Variants in ADHFE1 observed in about 807,000 individuals in gnomAD.
ADHFE1 encodes the protein hydroxyacid-oxoacid transhydrogenase, mitochondrial.
ADHFE1 carries 37 observed loss-of-function variants against 54.8 expected under a neutral mutation model. The ratio of observed to expected loss-of-function variants is 0.68; its 90% CI spans 0.52 to 0.89. The LOEUF is 0.89. Ranked by LOEUF, ADHFE1 falls within the 40% of genes least tolerant of loss-of-function variation. The probability of loss-of-function intolerance (pLI) is 0.00; values close to 1 mark genes in which losing one functional copy is unlikely to be tolerated. For synonymous variants in ADHFE1, 203 were observed against 229.3 expected (o/e 0.89, Z 1.04); for missense variants, 601 against 591.2 (o/e 1.02, Z -0.17).
chr8:66,452,226 G>T, intron 9 of ADHFE1, 121 bp downstream of exon 9: 1 of 1,346,662 alleles, frequency 7.4e-7, no homozygotes, highest in South Asian at 1.5e-5. Context: ...AGCAGTCAGT[G>T]GATGCGCAGA....
rs1447230142 is a variant in ADHFE1, at chr8:66,444,449, T to C, written c.198+29T>C. ...AGTATTCGAGATGTCTACGGTCTCC[T>C]ACTGTAAATGTTACATATCTCACAA... is the stretch of plus-strand genomic sequence containing the variant. On this transcript the variant is annotated intron_variant, in intron 4 of 13. Transcript: ENST00000396623. The C allele has an allele frequency of 3.7e-6, 6 of 1,612,384 alleles. No individual in the cohort carries two copies. The East Asian group carries it at 1.3e-4, about 36-fold the overall frequency.
intron 13 of ADHFE1, among the ~76,000 whole-genome samples, chr8:66,462,069 C>G (rs1806929400): frequency 1.3e-5 from 2 of 152,216 alleles, no homozygotes; most frequent in African/African-American, 4.8e-5. Context: ...CATCCATTTT[C>G]CATTGCACCT....
chr8:66,452,068 A>C lies in ADHFE1; in HGVS notation c.850A>C (p.Ile284Leu). 1 of 1,614,210 alleles carries C rather than the reference A, an allele frequency of 6.2e-7. No individual in the cohort carries two copies. The highest frequency in any genetic ancestry group is 8.5e-7 in the Non-Finnish European group (1 of 1,180,028). The stretch of plus-strand genomic sequence containing the variant: ...CAACCCAATCAGTGACATTTGGGCT[A>C]TCCACGCGCTGCGGATCGTGGCTAA... ...GSNPISDIWAIHALRIVAKYL... is the reference protein window; with the variant it reads ...GSNPISDIWALHALRIVAKYL... The change falls in exon 9 of 14, where the codon ATC becomes CTC. Residue 284 changes from isoleucine (I) to leucine (L), a missense_variant. Transcript: ENST00000396623.
At chr8:66,457,432 C>T (rs1024549877) in intron 12 of ADHFE1, among the ~76,000 whole-genome samples, 9 of 150,418 alleles carry the variant, frequency 6.0e-5, no homozygotes, top group Non-Finnish European at 1.3e-4. Context: ...GAGCTGTTAT[C>T]ATGCCACTGC....
intron 2 of ADHFE1, among the ~76,000 whole-genome samples, chr8:66,441,924 A>T (rs947288948): frequency 2.6e-5 from 4 of 151,544 alleles, no homozygotes; most frequent in Admixed American, 2.0e-4. Flanking sequence ...GTGAGCCGAG[A>T]TCCCACCACT....
At chr8:66,447,187 A>C (rs1016733333) in intron 6 of ADHFE1, 77 bp from the exon 7 acceptor site, 4 of 1,254,848 alleles carry the variant, frequency 3.2e-6, no homozygotes, top group Non-Finnish European at 4.5e-6. Flanking sequence ...TTTGTTCCTC[A>C]GTCCTAAGGC....
At chr8:66,461,418 T>C (rs991748801) in intron 13 of ADHFE1, among the ~76,000 whole-genome samples, 8 of 152,090 alleles carry the variant, frequency 5.3e-5, no homozygotes, top group African/African-American at 1.9e-4. Context: ...CTGGTGCTTT[T>C]CCCTCACCCC....
Position 66,448,944 on chromosome 8 carries a change from C to T in ADHFE1, c.708C>T (p.Val236=), listed in dbSNP as rs1215959501. 7 of 1,614,030 alleles carry T rather than the reference C, an allele frequency of 4.3e-6. No individual in the cohort carries two copies. The highest frequency in any genetic ancestry group is 5.1e-6 in the Non-Finnish European group (6 of 1,180,008). ...CCCTCCACATGCCTGCCCGAGTGGT[C>T]GCCAACAGTGGCTTTGATGTGCTTT... is the stretch of plus-strand genomic sequence containing the variant. The part of the protein sequence containing the change: ...LHTLHMPARV[V]ANSGFDVLCH... The change falls in exon 8 of 14, where the codon GTC becomes GTT. Residue 236 remains valine, a synonymous_variant. Coordinates refer to ENST00000396623, the MANE Select transcript of ADHFE1 (RefSeq NM_144650.3).
At chr8:66,454,735 A>G (rs1401158746) in intron 10 of ADHFE1, among the ~76,000 whole-genome samples, 3 of 150,640 alleles carry the variant, frequency 2.0e-5, no homozygotes, top group African/African-American at 7.3e-5. Context: ...TTTTTTTAAG[A>G]TGGAGTCTCA....
intron 13 of ADHFE1, among the ~76,000 whole-genome samples, chr8:66,462,466 G>A (rs1806952361): frequency 6.6e-6 from 1 of 152,154 alleles, no homozygotes; most frequent in African/African-American, 2.4e-5. Flanking sequence ...TACCCAGGCT[G>A]GTCTTGAATT....
At chr8:66,450,933 AAG>A (rs1281553205) in intron 8 of ADHFE1, among the ~76,000 whole-genome samples, 3 of 152,254 alleles carry the variant, frequency 2.0e-5, no homozygotes, top group African/African-American at 7.2e-5. Flanking sequence ...TCATATGTAG[AAG>A]AGAGTAATTC....
chr8:66,466,236 ATTTTTT>A (rs575459850), intron 13 of ADHFE1, among the ~76,000 whole-genome samples: 4,467 of 119,658 alleles, frequency 0.037, 91 homozygotes, highest in Middle Eastern at 0.054. Flanking sequence ...ACCCAGCTGA[ATTTTTT>A]TTTTTTTTTT....
At chr8:66,434,679 T>G (rs1040147189) in intron 1 of ADHFE1, among the ~76,000 whole-genome samples, 1 of 152,230 alleles carries the variant, frequency 6.6e-6, no homozygotes, top group Admixed American at 6.5e-5. Flanking sequence ...TCTGGGCTTC[T>G]GCCCAACACA....
intron 13 of ADHFE1, among the ~76,000 whole-genome samples, chr8:66,463,572 T>C (rs1807016536): frequency 6.6e-6 from 1 of 152,198 alleles, no homozygotes; most frequent in Non-Finnish European, 1.5e-5. Flanking sequence ...AGAAATAAGC[T>C]TGTCCATTTT....
intron 3 of ADHFE1, 100 bp from the exon 4 acceptor site, chr8:66,444,267 A>T: frequency 9.0e-7 from 1 of 1,109,396 alleles, no homozygotes; most frequent in Non-Finnish European, 1.4e-6. Context: ...AGGAGTGTAT[A>T]CTTTATGCTC....
At chr8:66,433,278 G>A (rs1377156695) in intron 1 of ADHFE1, among the ~76,000 whole-genome samples, 2 of 152,164 alleles carry the variant, frequency 1.3e-5, no homozygotes, top group African/African-American at 2.4e-5. Flanking sequence ...AGGGACTGGC[G>A]AGGAACGTCA....
chr8:66,452,916 C>A (rs143303514), intron 9 of ADHFE1, among the ~76,000 whole-genome samples: 3 of 152,216 alleles, frequency 2.0e-5, no homozygotes, highest in Non-Finnish European at 4.4e-5. Flanking sequence ...ATGGACAGAA[C>A]GGCCACAGGT....
chr8:66,442,846 T>A lies in ADHFE1; in HGVS notation c.144+2T>A. 1 of 1,584,868 alleles carries A rather than the reference T, an allele frequency of 6.3e-7. No individual in the cohort carries two copies. The highest frequency in any genetic ancestry group is 8.5e-7 in the Non-Finnish European group (1 of 1,170,436). Reference sequence around the variant, plus strand: ...AAAACAACAGATTATGCCTTTGAGGTATATTCACTCAATCCATTATTTCTT... The same window carrying A: ...AAAACAACAGATTATGCCTTTGAGGAATATTCACTCAATCCATTATTTCTT... On this transcript the variant is annotated splice_donor_variant, in intron 3 of 13. Coordinates refer to ENST00000396623, the MANE Select transcript of ADHFE1 (RefSeq NM_144650.3). LOFTEE classifies it high-confidence loss of function.
chr8:66,457,040 T>G, intron 11 of ADHFE1, 30 bp from the exon 12 acceptor site: 1 of 1,603,166 alleles, frequency 6.2e-7, no homozygotes, highest in Non-Finnish European at 8.5e-7. Context: ...CTTTGTCATC[T>G]GCCGGTCACC....
Sources: allele counts gnomAD v4.1 joint callset (sites outside exome capture counted in the v4.1 genomes callset), GRCh38; gene constraint gnomAD v4.1.1; transcripts MANE v1.5; gene names NCBI Gene and HGNC (gene_info 2026-07-23, HGNC 2026-07-21).